The following MBTD1 variants were observed in gnomAD, a reference collection of about 807,000 sequenced individuals.
MBTD1 encodes mbt domain containing 1.
A neutral mutation model predicts 87.8 loss-of-function variants in MBTD1; 24 were observed. That is an observed-to-expected ratio of 0.27 (90% CI 0.20 to 0.38). The LOEUF is 0.38. Ranked by LOEUF, MBTD1 falls within the 10% of genes least tolerant of loss-of-function variation. The pLI is 1.00. For synonymous variants in MBTD1, 237 were observed against 248.6 expected, an observed-to-expected ratio of 0.95 and a Z score of 0.44; for missense variants, 436 against 760.2, an observed-to-expected ratio of 0.57 and a Z score of 5.02.
At chr17:51,210,365 AG>A (rs1039607985) in intron 6 of MBTD1, among the ~76,000 whole-genome samples, 57 of 152,262 alleles carry the variant, frequency 3.7e-4, no homozygotes, top group African/African-American at 1.3e-3. Flanking sequence ...GAGTCCAAGG[AG>A]AGGACAAAAA....
intron 3 of MBTD1, among the ~76,000 whole-genome samples, chr17:51,221,105 G>A (rs1465357000): frequency 6.6e-6 from 1 of 152,082 alleles, no homozygotes; most frequent in Admixed American, 6.6e-5. Context: ...ACCAGCCTGG[G>A]CAAGATAGCA....
At chr17:51,235,995 A>C (rs2053807919) in intron 2 of MBTD1, among the ~76,000 whole-genome samples, 1 of 152,158 alleles carries the variant, frequency 6.6e-6, no homozygotes, top group Non-Finnish European at 1.5e-5. Flanking sequence ...ATAGACCTCT[A>C]TCTATCTATC....
upstream of MBTD1, chr17:51,260,590 G>A (rs761316312): frequency 3.7e-6 from 6 of 1,611,936 alleles, no homozygotes; most frequent in Non-Finnish European, 5.1e-6. Flanking sequence ...TAACGATGCC[G>A]CCGGAGCGGA....
At chr17:51,204,988 T>G (rs186496524) in intron 7 of MBTD1, among the ~76,000 whole-genome samples, 4 of 152,280 alleles carry the variant, frequency 2.6e-5, no homozygotes, top group African/African-American at 9.6e-5. Context: ...AGTTAAAAAC[T>G]ATGTCTTAGG....
intron 6 of MBTD1, among the ~76,000 whole-genome samples, chr17:51,211,566 C>A (rs936296226): frequency 6.6e-6 from 1 of 151,424 alleles, no homozygotes; most frequent in Non-Finnish European, 1.5e-5. Context: ...ACTGCTTTCC[C>A]GCAGAGAGTT....
intron 16 of MBTD1, among the ~76,000 whole-genome samples, chr17:51,190,750 A>AAAAAAAATATATATATATATAT (rs1555677185): frequency 2.5e-5 from 1 of 39,712 alleles, no homozygotes; most frequent in African/African-American, 1.5e-4. Flanking sequence ...AAAAAAAAAA[A>AAAAAAAATATATATATATATAT]ATATATATAT....
At position 51,225,083 on chromosome 17, in the gene MBTD1, G is replaced by A. The variant is rs1236415469; in HGVS notation, c.79C>T (p.Pro27Ser). Residue 27 changes from proline (P) to serine (S), a missense_variant, in exon 3 of 17, where the codon CCT becomes TCT. By Grantham distance (74) the Pro-to-Ser change is moderately conservative (BLOSUM62 -1). Transcript: ENST00000586178. ...ATAATCGGGAGATTAGAAGGTAAAGGAGCGACTTCTTCCTCACTCTCTTCG... is the reference window on the plus strand; with the variant it reads ...ATAATCGGGAGATTAGAAGGTAAAGAAGCGACTTCTTCCTCACTCTCTTCG... Reference protein sequence around the residue: ...SSEESEEEVAPLPSNLPIIKN... With the variant: ...SSEESEEEVASLPSNLPIIKN... The A allele has an allele frequency of 1.3e-6, 2 of 1,551,696 alleles. No individual in the cohort carries two copies. Among genetic ancestry groups the A allele is most frequent in the South Asian group, 2.4e-5 (2 of 84,028 alleles).
intron 2 of MBTD1, chr17:51,251,285 TTC>T (rs1444692387): frequency 6.6e-6 from 1 of 152,136 alleles, no homozygotes; most frequent in East Asian, 1.9e-4. Flanking sequence ...CTTCTCTAAG[TTC>T]AGTTTTTTTC....
Position 51,201,579 on chromosome 17 carries a change from C to G in MBTD1, c.1224+13G>C, listed in dbSNP as rs763124266. 1.4e-5 allele frequency: 21 copies of G among 1,512,770 alleles called. No individual in the cohort carries two copies. Among genetic ancestry groups the G allele is most frequent in the Non-Finnish European group, 1.7e-5 (19 of 1,098,596 alleles). 93.7% of individuals were successfully genotyped at this position (1,512,770 alleles called of 1,614,324 possible). A position where few individuals can be genotyped will look rare whatever the true frequency, so the allele number is the denominator to read the frequency against. On this transcript the variant is annotated intron_variant, in intron 12 of 16. Coordinates refer to ENST00000586178, the MANE Select transcript of MBTD1 (RefSeq NM_017643.3). ...ATAATTGCATTTCTATATTTTAAAA[C>G]CTATTATCTTACCTTTCTAATGGTT...
chr17:51,220,513 A>G, intron 3 of MBTD1, 50 bp from the exon 4 acceptor site: 1 of 1,439,626 alleles, frequency 6.9e-7, no homozygotes, highest in Non-Finnish European at 9.4e-7. Flanking sequence ...AATAAAATCA[A>G]TCTTCATCTA....
intron 2 of MBTD1, among the ~76,000 whole-genome samples, chr17:51,246,689 G>A (rs2054455741): frequency 6.6e-6 from 1 of 152,156 alleles, no homozygotes; most frequent in Non-Finnish European, 1.5e-5. Context: ...AGGCTGGAGT[G>A]CTGTGGTGCA....
At chr17:51,259,607 G>A (rs1598463874) in intron 1 of MBTD1, among the ~76,000 whole-genome samples, 1 of 151,390 alleles carries the variant, frequency 6.6e-6, no homozygotes, top group South Asian at 2.1e-4. Flanking sequence ...AAGGGTGGAG[G>A]AGATGGAGAG....
At chr17:51,248,353 G>A (rs1486992576) in intron 2 of MBTD1, among the ~76,000 whole-genome samples, 2 of 152,148 alleles carry the variant, frequency 1.3e-5, no homozygotes, top group African/African-American at 4.8e-5. Context: ...TGCTTTAAAT[G>A]TATTCCACAG....
chr17:51,213,740 G>C (rs1440168688), intron 6 of MBTD1, among the ~76,000 whole-genome samples: 1 of 152,116 alleles, frequency 6.6e-6, no homozygotes. Context: ...CAATTTTAGT[G>C]GTTTCCAGCC....
upstream of MBTD1, chr17:51,260,876 G>A: frequency 6.2e-7 from 1 of 1,601,444 alleles, no homozygotes; most frequent in Non-Finnish European, 8.5e-7. Flanking sequence ...GGTCTTCGGC[G>A]ACGTCGAGAA....
chr17:51,219,933 G>A (rs955068767), intron 4 of MBTD1, among the ~76,000 whole-genome samples: 5 of 152,160 alleles, frequency 3.3e-5, no homozygotes, highest in African/African-American at 1.2e-4. Flanking sequence ...AGTACAAAGC[G>A]AGGACGATGA....
intron 5 of MBTD1, among the ~76,000 whole-genome samples, chr17:51,218,077 C>A (rs990380857): frequency 6.6e-6 from 1 of 152,112 alleles, no homozygotes; most frequent in Non-Finnish European, 1.5e-5. Context: ...GAGATACCTA[C>A]CCCATATCAC....
chr17:51,260,508 C>T, upstream of MBTD1: 1 of 1,463,044 alleles, frequency 6.8e-7, no homozygotes, highest in Non-Finnish European at 9.1e-7. Context: ...GCTTCGGCGG[C>T]GGCGGCCCGC....
At chr17:51,243,723 C>T (rs898104847) in intron 2 of MBTD1, among the ~76,000 whole-genome samples, 1 of 152,168 alleles carries the variant, frequency 6.6e-6, no homozygotes, top group African/African-American at 2.4e-5. Context: ...TACAGGGTCT[C>T]CCTATGTTGC....
Sources: gnomAD v4.1 joint callset for allele counts (sites outside exome capture counted in the v4.1 genomes callset) on GRCh38, gnomAD v4.1.1 for gene constraint, MANE v1.5 for transcripts, NCBI Gene and HGNC (gene_info 2026-07-23, HGNC 2026-07-21) for gene names.